EGFR: variants seen among roughly 807,000 people sequenced by gnomAD.
EGFR encodes the protein epidermal growth factor receptor, also known as avian erythroblastic leukemia viral (v-erb-b) oncogene homolog.
A neutral mutation model predicts 143.0 loss-of-function variants in EGFR; 58 were observed. The observed-to-expected ratio is 0.41, with a 90% CI of 0.33 to 0.50. The LOEUF is 0.50. EGFR is among the 20% of genes least tolerant of loss of function. The pLI is 0.39. For synonymous variants in EGFR, 613 were observed against 594.4 expected (o/e 1.03, Z -0.45); for missense variants, 1,307 against 1,579.0 (o/e 0.83, Z 2.92).
intron 7 of EGFR, 77 bp downstream of exon 7, chr7:55,154,229 T>A: frequency 6.2e-7 from 1 of 1,606,062 alleles, no homozygotes. Flanking sequence ...CCCTGGAGTA[T>A]CCCATCTTGG....
At chr7:55,047,958 A>C (rs1562667580) in intron 1 of EGFR, among the ~76,000 whole-genome samples, 1 of 152,186 alleles carries the variant, frequency 6.6e-6, no homozygotes, top group Non-Finnish European at 1.5e-5. Context: ...ATTCAGTTTC[A>C]CATATAAATA....
chr7:55,143,124 G>C (rs1794559617), intron 2 of EGFR, among the ~76,000 whole-genome samples, 181 bp from the exon 3 acceptor site: 1 of 152,190 alleles, frequency 6.6e-6, no homozygotes, highest in Admixed American at 6.5e-5. Flanking sequence ...GATTGTTGCA[G>C]ATCGTGGACA....
intron 1 of EGFR, among the ~76,000 whole-genome samples, chr7:55,083,279 G>A (rs1264959702): frequency 3.3e-5 from 5 of 152,220 alleles, no homozygotes; most frequent in Admixed American, 1.3e-4. Context: ...CAGCATCGCT[G>A]ACAGCCTGAA....
chr7:55,088,881 C>T (rs912468130), intron 1 of EGFR, among the ~76,000 whole-genome samples: 1 of 152,214 alleles, frequency 6.6e-6, no homozygotes, highest in Non-Finnish European at 1.5e-5. Flanking sequence ...TTTGTCTCTA[C>T]TTACTTATTT....
chr7:55,134,665 C>A (rs1205658867), intron 1 of EGFR, among the ~76,000 whole-genome samples: 1 of 152,208 alleles, frequency 6.6e-6, no homozygotes, highest in Non-Finnish European at 1.5e-5. Context: ...AAATTCATTT[C>A]TGATTTACTA....
At chr7:55,174,611 T>A (rs718836) in intron 18 of EGFR, 111 bp from the exon 19 acceptor site, 1 of 935,124 alleles carries the variant, frequency 1.1e-6, no homozygotes, top group East Asian at 2.4e-5. Flanking sequence ...ACAGCCCCAG[T>A]GTCCCTCACC....
chr7:55,093,395 T>C (rs1459366716), intron 1 of EGFR, among the ~76,000 whole-genome samples: 1 of 152,354 alleles, frequency 6.6e-6, no homozygotes, highest in East Asian at 1.9e-4. Context: ...TTGGAATCAC[T>C]AATGTGGCCA....
intron 1 of EGFR, among the ~76,000 whole-genome samples, chr7:55,082,781 CT>C (rs1212045191): frequency 6.6e-6 from 1 of 152,188 alleles, no homozygotes; most frequent in African/African-American, 2.4e-5. Flanking sequence ...GCTTAAGAAG[CT>C]GCAGATTTAT....
At chr7:55,195,021 C>A (rs1248551450) in intron 22 of EGFR, among the ~76,000 whole-genome samples, 1 of 152,238 alleles carries the variant, frequency 6.6e-6, no homozygotes, top group Non-Finnish European at 1.5e-5. Context: ...CCAGCCCATT[C>A]TCCACCTAAC....
intron 1 of EGFR, among the ~76,000 whole-genome samples, chr7:55,141,563 T>C (rs1211887365): frequency 6.6e-6 from 1 of 152,238 alleles, no homozygotes; most frequent in Non-Finnish European, 1.5e-5. Flanking sequence ...GAGAGTGTTT[T>C]TAAATGTTGT....
At chr7:55,071,582 T>C (rs1789833412) in intron 1 of EGFR, among the ~76,000 whole-genome samples, 1 of 152,262 alleles carries the variant, frequency 6.6e-6, no homozygotes, top group Non-Finnish European at 1.5e-5. Flanking sequence ...CTGTTCAATG[T>C]CATCATCCCT....
intron 1 of EGFR, among the ~76,000 whole-genome samples, chr7:55,095,172 C>T (rs912970887): frequency 1.3e-5 from 2 of 152,224 alleles, no homozygotes; most frequent in Admixed American, 6.5e-5. Flanking sequence ...AGCTGCAGGT[C>T]CCGCAAGACA....
intron 14 of EGFR, among the ~76,000 whole-genome samples, chr7:55,164,640 A>G (rs11976696): frequency 0.24 from 36,976 of 152,180 alleles, 4,804 homozygotes; most frequent in South Asian, 0.39. Flanking sequence ...CAAAACCAAC[A>G]TGAGAGAACT....
intron 25 of EGFR, 33 bp downstream of exon 25, chr7:55,201,388 G>T (rs1471503363): frequency 6.2e-7 from 1 of 1,613,474 alleles, no homozygotes. Context: ...TCTCTCTCAA[G>T]CTGTGTCTAC....
intron 22 of EGFR, 128 bp downstream of exon 22, chr7:55,192,969 A>C (rs1787467095): frequency 2.3e-6 from 2 of 864,094 alleles, no homozygotes; most frequent in Non-Finnish European, 3.8e-6. Flanking sequence ...TGATAATGTA[A>C]TCATTGCTGT....
chr7:55,200,630 C>G (rs866284352), intron 24 of EGFR: 1 of 621,274 alleles, frequency 1.6e-6, no homozygotes, highest in Non-Finnish European at 2.9e-6. Flanking sequence ...TCCCCCTCCC[C>G]GTCTGAACTC....
At position 55,210,307 on chromosome 7, in the gene EGFR, T is replaced by G. The variant is rs1788208688; in HGVS notation, c.*4690T>G. ...ACATGTCTGGAGAGCCTAATAATGT[T>G]CAGCACACTTTGGTTAGTTCACCAA... On this transcript the variant is annotated 3_prime_UTR_variant, in exon 28 of 28. Coordinates refer to ENST00000275493, the MANE Select transcript of EGFR (RefSeq NM_005228.5). 6.6e-6 allele frequency: 1 copy of G among 152,256 alleles called. No homozygotes were observed. Among genetic ancestry groups the G allele is most frequent in the Non-Finnish European group, 1.5e-5 (1 of 68,048 alleles). The allele number at this position is 152,256 out of a possible 1,614,324, so 9.4% of individuals were successfully genotyped here.
intron 1 of EGFR, among the ~76,000 whole-genome samples, chr7:55,059,948 C>T (rs538401300): frequency 3.3e-5 from 5 of 152,220 alleles, no homozygotes; most frequent in African/African-American, 1.2e-4. Context: ...AGACCCAGTG[C>T]CAACTTCCAG....
chr7:55,162,620 T>C (rs1471858636), intron 13 of EGFR, among the ~76,000 whole-genome samples: 1 of 152,188 alleles, frequency 6.6e-6, no homozygotes, highest in East Asian at 1.9e-4. Context: ...GGGAGCCCCA[T>C]GTCCTTCCAT....
Sources: gnomAD v4.1 joint callset for allele counts (sites outside exome capture counted in the v4.1 genomes callset) on GRCh38, gnomAD v4.1.1 for gene constraint, MANE v1.5 for transcripts, NCBI Gene and HGNC (gene_info 2026-07-23, HGNC 2026-07-21) for gene names.